The following TRIOBP variants were observed in gnomAD, a reference collection of about 807,000 sequenced individuals.
TRIOBP encodes the protein TRIO and F-actin-binding protein.
A neutral mutation model predicts 238.8 loss-of-function variants in TRIOBP; 169 were observed. The observed-to-expected ratio is 0.71, with a 90% CI of 0.62 to 0.80. The LOEUF (loss-of-function observed/expected upper bound fraction) is 0.80, where lower values mean the gene tolerates loss of function less well. TRIOBP is among the 30% of genes least tolerant of loss of function. TRIOBP has a pLI of 0.00. For synonymous variants in TRIOBP, 1,150 were observed against 1,274.4 expected, an observed-to-expected ratio of 0.90 and a Z score of 2.08; for missense variants, 2,838 against 3,122.6, an observed-to-expected ratio of 0.91 and a Z score of 2.17.
intron 10 of TRIOBP, among the ~76,000 whole-genome samples, chr22:37,739,311 C>T (rs1051003786): frequency 2.6e-5 from 4 of 152,052 alleles, no homozygotes; most frequent in South Asian, 4.1e-4. Flanking sequence ...AGTTGAGGGC[C>T]GTGGGGCAGT....
chr22:37,729,294 C>T (rs1400072198), intron 7 of TRIOBP, among the ~76,000 whole-genome samples: 1 of 151,866 alleles, frequency 6.6e-6, no homozygotes, highest in Non-Finnish European at 1.5e-5. Flanking sequence ...TGGCTCACTG[C>T]GGCCTCAAAC....
chr22:37,736,715 C>T (rs1569047489), intron 9 of TRIOBP, among the ~76,000 whole-genome samples: 1 of 152,110 alleles, frequency 6.6e-6, no homozygotes, highest in African/African-American at 2.4e-5. Flanking sequence ...GCAACCTCCG[C>T]CCCCCAGGTT....
chr22:37,746,215 G>GGA (rs762184877), intron 11 of TRIOBP: 27 of 968,024 alleles, frequency 2.8e-5, no homozygotes, highest in Non-Finnish European at 3.1e-5. Context: ...CAGGAAGTTT[G>GGA]AAAAAAAAAA....
At chr22:37,736,313 A>G (rs762092951) in intron 9 of TRIOBP, among the ~76,000 whole-genome samples, 9 of 152,066 alleles carry the variant, frequency 5.9e-5, no homozygotes, top group Non-Finnish European at 1.0e-4. Context: ...AGATGGACCA[A>G]CCACTTCTCT....
At chr22:37,711,452 G>A (rs532057670) in intron 4 of TRIOBP, among the ~76,000 whole-genome samples, 2 of 151,870 alleles carry the variant, frequency 1.3e-5, no homozygotes, top group African/African-American at 4.8e-5. Context: ...GGTGGCAGGT[G>A]CCTGTAATCC....
At chr22:37,732,526 A>AT (rs1264605173) in intron 7 of TRIOBP, among the ~76,000 whole-genome samples, 55 of 151,500 alleles carry the variant, frequency 3.6e-4, no homozygotes, top group Non-Finnish European at 1.0e-4. Context: ...AAAAAAAAAA[A>AT]AAAGACACTT....
At chr22:37,752,640 C>T (rs1925680535) in intron 12 of TRIOBP, among the ~76,000 whole-genome samples, 1 of 152,206 alleles carries the variant, frequency 6.6e-6, no homozygotes, top group Non-Finnish European at 1.5e-5. Flanking sequence ...TCCCTCCAGC[C>T]CACAGCCTTC....
In TRIOBP at chr22:37,763,088, G is replaced by A. The variant is rs916293381; in HGVS notation, c.6325-2582G>A. On this transcript the variant is annotated intron_variant, in intron 17 of 23. Transcript: ENST00000644935. ...AGCTGAGTCCCACCTCCTGATGTCAGCCCCTGCACCCCTGAGCTGCTGGGT... is the reference window on the plus strand; with the variant it reads ...AGCTGAGTCCCACCTCCTGATGTCAACCCCTGCACCCCTGAGCTGCTGGGT... 2.6e-5 allele frequency among the ~76,000 whole-genome samples: 4 copies of A among 152,174 alleles called. No individual in the cohort carries two copies. The East Asian group carries it at 5.8e-4, about 22-fold the overall frequency.
rs953701770 is a variant in TRIOBP, at chr22:37,753,193, C to T, written c.5379+1365C>T. 2.6e-5 allele frequency among the ~76,000 whole-genome samples: 4 copies of T among 152,366 alleles called. No individual in the cohort carries two copies. The East Asian group carries it at 5.8e-4, about 22-fold the overall frequency. ...TGGTGTCCATCCCTATGCCAAGGGC[C>T]ATGACAGCCATCCACACAAGAGAGG... On this transcript the variant is annotated intron_variant, in intron 12 of 23. Transcript: ENST00000644935.
At chr22:37,741,203 C>G (rs1008642615) in intron 11 of TRIOBP, among the ~76,000 whole-genome samples, 171 bp downstream of exon 11, 1 of 152,194 alleles carries the variant, frequency 6.6e-6, no homozygotes, top group Non-Finnish European at 1.5e-5. Context: ...ATCCTGGTCT[C>G]AGCAAGCGAG....
chr22:37,712,740 A>G (rs1923314237), intron 4 of TRIOBP, among the ~76,000 whole-genome samples: 1 of 151,762 alleles, frequency 6.6e-6, no homozygotes, highest in African/African-American at 2.4e-5. Context: ...GCGGATCACG[A>G]GGTCAGGAGA....
At chr22:37,709,476 C>G (rs944926727) in intron 3 of TRIOBP, among the ~76,000 whole-genome samples, 4 of 152,232 alleles carry the variant, frequency 2.6e-5, no homozygotes, top group Non-Finnish European at 5.9e-5. Flanking sequence ...CCACCACAGC[C>G]CGGAGTCGGG....
intron 11 of TRIOBP, among the ~76,000 whole-genome samples, chr22:37,742,002 G>C (rs915304556): frequency 2.0e-5 from 3 of 152,172 alleles, no homozygotes; most frequent in Non-Finnish European, 4.4e-5. Flanking sequence ...CTATCGCCCA[G>C]GCTGGAGTGC....
chr22:37,746,498 T>A, intron 11 of TRIOBP: 1 of 1,233,152 alleles, frequency 8.1e-7, no homozygotes, highest in Non-Finnish European at 1.1e-6. Context: ...GCCTCTCCCC[T>A]CCGGGGCAGC....
At chr22:37,733,532 C>T in intron 8 of TRIOBP, 120 bp downstream of exon 8, 2 of 775,722 alleles carry the variant, frequency 2.6e-6, no homozygotes, top group Non-Finnish European at 4.4e-6. Context: ...GGGTCGGAGT[C>T]CAATCATGGG....
At chr22:37,750,273 G>A (rs1052450140) in intron 11 of TRIOBP, among the ~76,000 whole-genome samples, 2 of 152,232 alleles carry the variant, frequency 1.3e-5, no homozygotes, top group African/African-American at 2.4e-5. Context: ...AGGGACTTTC[G>A]CCTGGGACTG....
Position 37,757,750 on chromosome 22 carries a change from C to A in TRIOBP, c.5825C>A (p.Ala1942Asp), listed in dbSNP as rs770258592. 32 of 1,565,858 alleles carry A rather than the reference C, an allele frequency of 2.0e-5. No homozygotes were observed. The highest frequency in any genetic ancestry group is 2.8e-5 in the Non-Finnish European group (32 of 1,156,450). The change falls in exon 16 of 24, where the codon GCC (alanine) becomes GAC (aspartate). Residue 1942 changes from alanine to aspartate, a missense_variant. Physicochemically the swap from Ala to Asp is moderately radical, Grantham distance 126. Around this residue, in one of 5 missense-constraint regions of TRIOBP, gnomAD observed 2,096 missense variants for 2,137.4 expected, o/e 0.98. Coordinates refer to ENST00000644935, the MANE Select transcript of TRIOBP (RefSeq NM_001039141.3). ...GPRKADGQRQALDYVELSPLT... is the reference protein window; with the variant it reads ...GPRKADGQRQDLDYVELSPLT... ...CGGAAGGCGGACGGGCAGCGTCAGG[C>A]CTTGGACTACGTGGAGCTCTCGCCG...
At position 37,733,318 on chromosome 22, in the gene TRIOBP, C is replaced by A. The variant is rs753963920; in HGVS notation, c.3968C>A (p.Ala1323Asp). 6.4e-7 allele frequency: 1 copy of A among 1,550,932 alleles called. No homozygotes were observed. Among genetic ancestry groups the A allele is most frequent in the East Asian group, 2.4e-5 (1 of 40,960 alleles). Residue 1323 changes from alanine (A) to aspartate (D), a missense_variant, in exon 8 of 24, where the codon GCC (alanine) becomes GAC (aspartate). Transcript: ENST00000644935. ...QERRKSEAAG[A>D]FQAQDEGRSQ... ...CATAGGAAGTCCGAGGCAGCGGGGG[C>A]CTTCCAGGCCCAGGACGAGGGACGG...
chr22:37,746,094 G>T, intron 11 of TRIOBP: 1 of 540,474 alleles, frequency 1.9e-6, no homozygotes, highest in Non-Finnish European at 2.3e-6. Flanking sequence ...CGCCCGTCCC[G>T]TTGCGGCAGG....
Sources: gnomAD v4.1 joint callset for allele counts (sites outside exome capture counted in the v4.1 genomes callset) on GRCh38, gnomAD v4.1.1 for gene constraint, gnomAD v4.1.1 regional missense constraint, MANE v1.5 for transcripts, NCBI Gene and HGNC (gene_info 2026-07-23, HGNC 2026-07-21) for gene names.